The following TTC7B variants were observed in gnomAD, a reference collection of about 807,000 sequenced individuals.
TTC7B encodes tetratricopeptide repeat domain 7B, also known as tetratricopeptide repeat protein 7B.
A neutral mutation model predicts 106.8 loss-of-function variants in TTC7B; 28 were observed. The observed-to-expected ratio is 0.26, with a 90% CI of 0.19 to 0.36. The LOEUF is 0.36. TTC7B is among the 10% of genes least tolerant of loss of function. The pLI, the probability that TTC7B is intolerant of heterozygous loss-of-function variation, is 1.00. For missense variants in TTC7B, 862 were observed against 1,076.4 expected, an observed-to-expected ratio of 0.80 and a Z score of 2.79; for synonymous variants, 405 against 430.6, an observed-to-expected ratio of 0.94 and a Z score of 0.74.
chr14:90,717,875 T>G (rs997242887), intron 5 of TTC7B, among the ~76,000 whole-genome samples: 13 of 152,184 alleles, frequency 8.5e-5, no homozygotes, highest in African/African-American at 2.9e-4. Context: ...CCATCCACCC[T>G]GCTTCCCCAA....
chr14:90,698,298 G>A (rs905418128), intron 5 of TTC7B: 1 of 152,230 alleles, frequency 6.6e-6, no homozygotes, highest in African/African-American at 2.4e-5. Context: ...CAAATGCTAT[G>A]AGATAACCCA....
chr14:90,610,814 A>G lies in TTC7B; in HGVS notation c.1894T>C (p.Leu632=), dbSNP rs1411468326. 1 of 1,614,012 alleles carries G rather than the reference A, an allele frequency of 6.2e-7. No individual in the cohort carries two copies. The highest frequency in any genetic ancestry group is 1.1e-5 in the South Asian group (1 of 91,074). ...CGTCTGTCAGCAATGGTTCTATCTAAGAGGCTGCTCCCACGTCCAGAATCA... is the reference window on the plus strand; with the variant it reads ...CGTCTGTCAGCAATGGTTCTATCTAGGAGGCTGCTCCCACGTCCAGAATCA... ...PSDSGRGSSL[L]DRTIADRRQL... The change falls in exon 17 of 20, where the codon TTA becomes CTA. Residue 632 remains leucine, a synonymous_variant. Transcript: ENST00000328459.
At chr14:90,544,030 G>T (rs936072864) in intron 19 of TTC7B, among the ~76,000 whole-genome samples, 3 of 152,244 alleles carry the variant, frequency 2.0e-5, no homozygotes, top group African/African-American at 7.2e-5. Flanking sequence ...CGTGGTTGGG[G>T]TGACAGCCAA....
chr14:90,730,208 GA>G lies in TTC7B; in HGVS notation c.577-13del, dbSNP rs1889273538. 6.3e-7 allele frequency: 1 copy of G among 1,592,920 alleles called. No homozygotes were observed. The highest frequency in any genetic ancestry group is 8.5e-7 in the Non-Finnish European group (1 of 1,174,066). On this transcript the variant is annotated splice_polypyrimidine_tract_variant and intron_variant, in intron 4 of 19. Coordinates refer to ENST00000328459, the MANE Select transcript of TTC7B (RefSeq NM_001010854.2). ...TTAGAAAGTATTACCTAGAAGGGGAGAAAATTGGAAAACTAATCAGATGCAC... is the reference window on the plus strand; with the variant it reads ...TTAGAAAGTATTACCTAGAAGGGGAGAAATTGGAAAACTAATCAGATGCAC...
At position 90,676,593 on chromosome 14, in the gene TTC7B, C is replaced by T. The variant is rs928052424; in HGVS notation, c.1082G>A (p.Ser361Asn). The change falls in exon 9 of 20, where the codon AGT (serine) becomes AAT (asparagine). Residue 361 changes from serine (S) to asparagine (N), a missense_variant. Ser to Asn is a conservative substitution (Grantham distance 46). Transcript: ENST00000328459. ...HKSDRLISLQ[S>N]ASVVYDLLTI... ...GAGTAAGTCATAGACCACAGATGCA[C>T]TCTGCAGACTGATGAGGCGGTCACT... is the stretch of plus-strand genomic sequence containing the variant. 3.1e-6 allele frequency: 5 copies of T among 1,614,044 alleles called. No individual in the cohort carries two copies. In the African/African-American group the frequency reaches 4.0e-5, roughly 13 times the overall value.
chr14:90,768,717 A>G (rs1474386929), intron 3 of TTC7B, among the ~76,000 whole-genome samples: 1 of 152,224 alleles, frequency 6.6e-6, no homozygotes, highest in African/African-American at 2.4e-5. Flanking sequence ...AAGCCACACA[A>G]GGTGAAATGA....
At chr14:90,691,477 A>C (rs973810871) in intron 6 of TTC7B, among the ~76,000 whole-genome samples, 4 of 152,356 alleles carry the variant, frequency 2.6e-5, no homozygotes, top group East Asian at 3.9e-4. Flanking sequence ...AATAAATATG[A>C]AATTACCAGC....
chr14:90,541,390 G>A lies in TTC7B; in HGVS notation c.2510C>T (p.Thr837Ile), dbSNP rs757702454. ...LEASSPAVPF[T>I]IIPRVL ...TGCTCAGAGCACGCGGGGGATGATGGTGAAGGGCACGGCGGGGCTGCTGGC... is the reference window on the plus strand; with the variant it reads ...TGCTCAGAGCACGCGGGGGATGATGATGAAGGGCACGGCGGGGCTGCTGGC... The change falls in exon 20 of 20, where the codon ACC becomes ATC. Residue 837 changes from threonine to isoleucine, a missense_variant. Physicochemically the swap from Thr to Ile is moderately conservative, Grantham distance 89. Transcript: ENST00000328459. The A allele has an allele frequency of 1.2e-6, 2 of 1,611,098 alleles. No homozygotes were observed. The highest frequency in any genetic ancestry group is 2.2e-5 in the South Asian group (2 of 90,638).
chr14:90,785,213 G>A (rs1241725180), intron 2 of TTC7B, among the ~76,000 whole-genome samples: 2 of 152,168 alleles, frequency 1.3e-5, no homozygotes, highest in African/African-American at 2.4e-5. Flanking sequence ...GATATGAAAT[G>A]TAAAGCCAAA....
At chr14:90,571,116 G>A (rs1012438100) in intron 19 of TTC7B, among the ~76,000 whole-genome samples, 2 of 152,202 alleles carry the variant, frequency 1.3e-5, no homozygotes, top group Non-Finnish European at 2.9e-5. Flanking sequence ...AAACAAGAAA[G>A]TCCCCTCTCA....
At chr14:90,561,603 A>G (rs1426532106) in intron 19 of TTC7B, among the ~76,000 whole-genome samples, 3 of 152,194 alleles carry the variant, frequency 2.0e-5, no homozygotes, top group Non-Finnish European at 4.4e-5. Flanking sequence ...GTCCCCACAT[A>G]CAGAAAGAAA....
At chr14:90,774,913 C>T (rs1270168339) in intron 3 of TTC7B, among the ~76,000 whole-genome samples, 3 of 152,082 alleles carry the variant, frequency 2.0e-5, no homozygotes, top group Admixed American at 6.6e-5. Context: ...CGTGGTTGCA[C>T]GCACCTGTAA....
At position 90,695,366 on chromosome 14, in the gene TTC7B, C is replaced by T. The variant is rs1047194329; in HGVS notation, c.777+134G>A. The T allele has an allele frequency of 8.4e-5, 21 of 251,054 alleles. No individual in the cohort carries two copies. In the African/African-American group the frequency reaches 1.1e-3, roughly 13 times the overall value. 15.6% of individuals were successfully genotyped at this position (251,054 alleles called of 1,614,324 possible). A position where few individuals can be genotyped will look rare whatever the true frequency, so the allele number is the denominator to read the frequency against. On this transcript the variant is annotated intron_variant, in intron 6 of 19. Coordinates refer to ENST00000328459, the MANE Select transcript of TTC7B (RefSeq NM_001010854.2). ...ATTTATTATAAATATATGTATAATG[C>T]ATATATGTCACATATATTTATAACA... is the stretch of plus-strand genomic sequence containing the variant.
chr14:90,581,642 C>A (rs533300691), intron 18 of TTC7B, among the ~76,000 whole-genome samples: 1 of 152,146 alleles, frequency 6.6e-6, no homozygotes, highest in Non-Finnish European at 1.5e-5. Context: ...CTGGTGAGGC[C>A]GCCCAGCCTC....
intron 15 of TTC7B, among the ~76,000 whole-genome samples, chr14:90,630,843 T>TC (rs976237863): frequency 6.6e-6 from 1 of 151,544 alleles, no homozygotes; most frequent in African/African-American, 2.4e-5. Context: ...TTTTTGTTTT[T>TC]TTTTTTTTTG....
At chr14:90,708,813 T>C (rs1002475267) in intron 5 of TTC7B, among the ~76,000 whole-genome samples, 1 of 152,114 alleles carries the variant, frequency 6.6e-6, no homozygotes, top group Non-Finnish European at 1.5e-5. Flanking sequence ...GAAAGGAATC[T>C]ACAATGAACT....
chr14:90,531,585 C>T lies in TTC7B; in HGVS notation c.*9783G>A, dbSNP rs118102797. Reference sequence around the variant, plus strand: ...AGTGAGTCGAGATTGTGCCATTGCGCTCCAGCCTGGACAACAAGAGCGAAA... The same window carrying T: ...AGTGAGTCGAGATTGTGCCATTGCGTTCCAGCCTGGACAACAAGAGCGAAA... On this transcript the variant is annotated 3_prime_UTR_variant, in exon 20 of 20. Coordinates refer to ENST00000328459, the MANE Select transcript of TTC7B (RefSeq NM_001010854.2). The T allele has an allele frequency of 0.028, 4,077 of 147,864 alleles. 101 individuals carry two copies. The highest frequency in any genetic ancestry group is 0.16 in the East Asian group (784 of 4,988). 9.2% of individuals were successfully genotyped at this position (147,864 alleles called of 1,614,324 possible). A position where few individuals can be genotyped will look rare whatever the true frequency, so the allele number is the denominator to read the frequency against.
chr14:90,642,030 G>A (rs77516977), intron 15 of TTC7B, among the ~76,000 whole-genome samples: 2 of 151,970 alleles, frequency 1.3e-5, no homozygotes, highest in East Asian at 1.9e-4. Flanking sequence ...ATTGCATCAG[G>A]TTGTACTTTA....
chr14:90,778,175 C>T (rs899138801), intron 3 of TTC7B, among the ~76,000 whole-genome samples: 6 of 152,162 alleles, frequency 3.9e-5, no homozygotes, highest in Admixed American at 2.6e-4. Context: ...TGACCCTTCC[C>T]TCTCCCAGTA....
Sources: allele counts gnomAD v4.1 joint callset (sites outside exome capture counted in the v4.1 genomes callset), GRCh38; gene constraint gnomAD v4.1.1; transcripts MANE v1.5; gene names NCBI Gene and HGNC (gene_info 2026-07-23, HGNC 2026-07-21).